Variants in ITGA9 observed in about 807,000 individuals in gnomAD.
ITGA9 encodes the protein integrin alpha-9.
ITGA9 carries 56 observed loss-of-function variants against 127.8 expected under a neutral mutation model. That is an observed-to-expected ratio of 0.44 (90% confidence interval 0.35 to 0.55). The LOEUF (loss-of-function observed/expected upper bound fraction) is 0.55, where lower values mean the gene tolerates loss of function less well. Ranked by LOEUF, ITGA9 falls within the 20% of genes least tolerant of loss-of-function variation. The pLI is 0.00. For synonymous variants in ITGA9, 508 were observed against 514.5 expected, an observed-to-expected ratio of 0.99 and a Z score of 0.17; for missense variants, 1,196 against 1,347.1, an observed-to-expected ratio of 0.89 and a Z score of 1.76.
At chr3:37,627,015 G>A (rs980407584) in intron 15 of ITGA9, among the ~76,000 whole-genome samples, 1 of 152,142 alleles carries the variant, frequency 6.6e-6, no homozygotes, top group African/African-American at 2.4e-5. Flanking sequence ...AGCAGAGTCA[G>A]CGGGCAGGGA....
intron 17 of ITGA9, among the ~76,000 whole-genome samples, chr3:37,683,576 C>T (rs146705919): frequency 6.6e-5 from 10 of 152,316 alleles, no homozygotes; most frequent in East Asian, 3.9e-4. Context: ...ATGAATCCCA[C>T]GCTTAGGTTG....
intron 18 of ITGA9, among the ~76,000 whole-genome samples, chr3:37,709,397 T>G (rs1216999521): frequency 2.6e-5 from 4 of 152,218 alleles, no homozygotes; most frequent in African/African-American, 9.6e-5. Flanking sequence ...TCCTTTCTCT[T>G]AAGTGTCCCA....
At chr3:37,729,885 G>A (rs180690206) in intron 18 of ITGA9, among the ~76,000 whole-genome samples, 11 of 151,892 alleles carry the variant, frequency 7.2e-5, no homozygotes, top group South Asian at 6.2e-4. Flanking sequence ...TATATTTGTA[G>A]TAGAAACAGG....
chr3:37,564,697 A>G (rs1172520052), intron 15 of ITGA9, among the ~76,000 whole-genome samples: 2 of 152,176 alleles, frequency 1.3e-5, no homozygotes, highest in Non-Finnish European at 2.9e-5. Flanking sequence ...CCTTTAATTC[A>G]ACAGGCACCT....
intron 26 of ITGA9, among the ~76,000 whole-genome samples, chr3:37,802,981 A>T (rs1185152135): frequency 6.6e-6 from 1 of 152,174 alleles, no homozygotes; most frequent in Non-Finnish European, 1.5e-5. Flanking sequence ...AGCCTCTCGA[A>T]CGAGTTTCTC....
chr3:37,458,700 G>C (rs1351593017), intron 1 of ITGA9, among the ~76,000 whole-genome samples: 3 of 152,220 alleles, frequency 2.0e-5, no homozygotes, highest in Non-Finnish European at 4.4e-5. Flanking sequence ...TCCTTGGCCT[G>C]CAGTGTGGCT....
intron 23 of ITGA9, among the ~76,000 whole-genome samples, chr3:37,771,905 G>A (rs1193008373): frequency 6.6e-6 from 1 of 152,034 alleles, no homozygotes; most frequent in Non-Finnish European, 1.5e-5. Context: ...AGGAAAGGAA[G>A]CTTTCCCTCC....
chr3:37,508,536 A>AT (rs762490469), intron 7 of ITGA9, 23 bp from the exon 8 acceptor site: 28,824 of 1,093,188 alleles, frequency 0.026, no homozygotes, highest in Non-Finnish European at 0.031. Flanking sequence ...TCCTAACTAG[A>AT]TTTTTTTTTT....
chr3:37,797,418 A>G (rs963082526), intron 26 of ITGA9, among the ~76,000 whole-genome samples: 3 of 152,172 alleles, frequency 2.0e-5, no homozygotes, highest in African/African-American at 4.8e-5. Flanking sequence ...AAGAAGCTCC[A>G]TTGTATACAC....
At chr3:37,697,307 GTTATTATTATTATTATTATTATTATTA>G (rs143332603) in intron 18 of ITGA9, among the ~76,000 whole-genome samples, 3 of 143,660 alleles carry the variant, frequency 2.1e-5, no homozygotes, top group Admixed American at 1.4e-4. Context: ...GACTACTTCT[GTTATTATTATTATTATTATTATTATTA>G]TTATTATTAT....
At chr3:37,533,931 C>T (rs1048143227) in intron 14 of ITGA9, among the ~76,000 whole-genome samples, 5 of 152,176 alleles carry the variant, frequency 3.3e-5, no homozygotes, top group Admixed American at 6.5e-5. Context: ...TGGTGGGATT[C>T]GGATGCTGGT....
At chr3:37,653,952 T>G (rs2125647596) in intron 17 of ITGA9, among the ~76,000 whole-genome samples, 162 bp downstream of exon 17, 1 of 152,288 alleles carries the variant, frequency 6.6e-6, no homozygotes, top group East Asian at 1.9e-4. Flanking sequence ...ACAAAATAAT[T>G]ATAACAAAAG....
intron 18 of ITGA9, among the ~76,000 whole-genome samples, chr3:37,731,764 A>G (rs1696295156): frequency 6.6e-6 from 1 of 152,128 alleles, no homozygotes; most frequent in South Asian, 2.1e-4. Flanking sequence ...TTTTTGGTGC[A>G]TTTGATAATG....
intron 18 of ITGA9, among the ~76,000 whole-genome samples, chr3:37,711,024 G>A (rs894516001): frequency 5.9e-5 from 9 of 152,158 alleles, no homozygotes; most frequent in African/African-American, 2.2e-4. Context: ...GTTCTGGCTC[G>A]AGGTCTCTTA....
At chr3:37,751,908 C>G (rs1248198488) in intron 23 of ITGA9, among the ~76,000 whole-genome samples, 1 of 152,200 alleles carries the variant, frequency 6.6e-6, no homozygotes, top group Non-Finnish European at 1.5e-5. Flanking sequence ...AGCCTGTGAT[C>G]AAAGGCTGTG....
At chr3:37,528,275 G>A (rs746627020) in intron 13 of ITGA9, among the ~76,000 whole-genome samples, 2 of 152,146 alleles carry the variant, frequency 1.3e-5, no homozygotes, top group African/African-American at 2.4e-5. Context: ...AAAGTAAAGC[G>A]AGGCAGTTAC....
chr3:37,670,703 TG>T (rs977143252), intron 17 of ITGA9, among the ~76,000 whole-genome samples: 8 of 152,220 alleles, frequency 5.3e-5, no homozygotes, highest in East Asian at 1.9e-4. Context: ...TTATTTAATA[TG>T]TTTTTTTTAA....
chr3:37,691,827 C>T (rs1210899614), intron 18 of ITGA9, among the ~76,000 whole-genome samples: 1 of 152,112 alleles, frequency 6.6e-6, no homozygotes, highest in East Asian at 1.9e-4. Context: ...GAGGGTCAAC[C>T]GGAATGTAGT....
intron 15 of ITGA9, among the ~76,000 whole-genome samples, chr3:37,572,154 G>T (rs1216807479): frequency 6.6e-6 from 1 of 152,072 alleles, no homozygotes; most frequent in East Asian, 1.9e-4. Flanking sequence ...ATGGATGCGT[G>T]TCATTCACAC....
Sources: allele counts gnomAD v4.1 joint callset (sites outside exome capture counted in the v4.1 genomes callset), GRCh38; gene constraint gnomAD v4.1.1; transcripts MANE v1.5; gene names NCBI Gene and HGNC (gene_info 2026-07-23, HGNC 2026-07-21).